Variants in CLIC6 observed in about 807,000 individuals in gnomAD.
CLIC6 encodes CLIC family member 6.
In CLIC6, 39 loss-of-function variants were observed where a neutral mutation model predicts 49.2. The observed-to-expected ratio is 0.79, with a 90% CI of 0.61 to 1.04. CLIC6 has a LOEUF of 1.04. Ranked by LOEUF, CLIC6 falls within the 50% of genes least tolerant of loss-of-function variation. The pLI is 0.00. For missense variants in CLIC6, 988 were observed against 993.1 expected (o/e 0.99, Z 0.07); for synonymous variants, 446 against 433.4 (o/e 1.03, Z -0.36).
intron 1 of CLIC6, among the ~76,000 whole-genome samples, chr21:34,680,412 A>G (rs1164041301): frequency 6.6e-6 from 1 of 152,254 alleles, no homozygotes; most frequent in African/African-American, 2.4e-5. Context: ...AGGGGTTGCC[A>G]CAAAGGTCAC....
intron 1 of CLIC6, among the ~76,000 whole-genome samples, chr21:34,692,059 A>T (rs1384349116): frequency 3.3e-5 from 5 of 152,244 alleles, no homozygotes; most frequent in Non-Finnish European, 7.3e-5. Context: ...ACAGTTTCTC[A>T]AAACTGCCTC....
At chr21:34,706,497 A>G (rs1423515775) in intron 1 of CLIC6, among the ~76,000 whole-genome samples, 1 of 152,176 alleles carries the variant, frequency 6.6e-6, no homozygotes, top group Non-Finnish European at 1.5e-5. Flanking sequence ...AAACCTTAAG[A>G]CTTTTATCAC....
At chr21:34,691,170 T>C (rs1455471348) in intron 1 of CLIC6, among the ~76,000 whole-genome samples, 1 of 152,210 alleles carries the variant, frequency 6.6e-6, no homozygotes, top group African/African-American at 2.4e-5. Context: ...CATAGAACTT[T>C]CAAGGTTAGC....
At chr21:34,696,370 G>A (rs1425248723) in intron 1 of CLIC6, among the ~76,000 whole-genome samples, 2 of 152,164 alleles carry the variant, frequency 1.3e-5, no homozygotes, top group Admixed American at 6.5e-5. Context: ...TATCACCATG[G>A]ATTCCAAACC....
intron 1 of CLIC6, among the ~76,000 whole-genome samples, chr21:34,686,048 G>A (rs1299276671): frequency 6.6e-6 from 1 of 152,190 alleles, no homozygotes; most frequent in Non-Finnish European, 1.5e-5. Context: ...GCATAAATGG[G>A]TTAAGCCAGT....
At position 34,669,372 on chromosome 21, in the gene CLIC6, G is replaced by A. The variant is rs1989476580; in HGVS notation, c.-17G>A. ...CGTCAAGGAAGGAGTCCCGATCAAG[G>A]ACAGGGATCTGCGGCCATGGCCGAG... On this transcript the variant is annotated 5_prime_UTR_variant, in exon 1 of 6. Transcript: ENST00000349499. 13 of 1,237,460 alleles carry A rather than the reference G, an allele frequency of 1.1e-5. No homozygotes were observed. Among genetic ancestry groups the A allele is most frequent in the African/African-American group, 1.5e-5 (1 of 64,660 alleles). 76.7% of individuals were successfully genotyped at this position (1,237,460 alleles called of 1,614,324 possible).
chr21:34,695,046 G>C (rs1353201018), intron 1 of CLIC6, among the ~76,000 whole-genome samples: 1 of 152,180 alleles, frequency 6.6e-6, no homozygotes, highest in Non-Finnish European at 1.5e-5. Context: ...TGGTGGCTTT[G>C]AATAACTCCA....
chr21:34,711,016 G>A (rs1399648555), intron 5 of CLIC6, among the ~76,000 whole-genome samples: 1 of 152,110 alleles, frequency 6.6e-6, no homozygotes, highest in East Asian at 1.9e-4. Flanking sequence ...TATAGAAGTT[G>A]AATGTGATTG....
intron 1 of CLIC6, among the ~76,000 whole-genome samples, chr21:34,686,902 G>T (rs988543204): frequency 6.6e-5 from 10 of 152,220 alleles, no homozygotes; most frequent in African/African-American, 2.4e-4. Flanking sequence ...CCTCAGAGCA[G>T]CCCATCTGCC....
chr21:34,680,887 A>G (rs1989765980), intron 1 of CLIC6, among the ~76,000 whole-genome samples: 1 of 152,112 alleles, frequency 6.6e-6, no homozygotes, highest in Admixed American at 6.5e-5. Context: ...GAACCCTCCA[A>G]ATCTCTAGGA....
chr21:34,695,832 C>T lies in CLIC6; in HGVS notation c.1375-11448C>T, dbSNP rs188750084. 2.6e-4 allele frequency among the ~76,000 whole-genome samples: 39 copies of T among 152,328 alleles called. No individual in the cohort carries two copies. In the East Asian group the frequency reaches 5.6e-3, roughly 22 times the overall value. On this transcript the variant is annotated intron_variant, in intron 1 of 5. Transcript: ENST00000349499. ...CCAGACCCAAATTCTTTTGGCTAAA[C>T]GACATGAAATGTGCTACTTGGGGCC...
At chr21:34,695,475 G>C (rs1325302247) in intron 1 of CLIC6, among the ~76,000 whole-genome samples, 1 of 152,232 alleles carries the variant, frequency 6.6e-6, no homozygotes, top group African/African-American at 2.4e-5. Context: ...TCTTTGAGAG[G>C]TCATTATTCT....
intron 1 of CLIC6, among the ~76,000 whole-genome samples, chr21:34,679,675 C>G (rs1470318621): frequency 6.6e-6 from 1 of 152,206 alleles, no homozygotes; most frequent in Non-Finnish European, 1.5e-5. Flanking sequence ...TAAATACACC[C>G]ACTCCAAGTG....
chr21:34,672,451 T>C (rs1323331485), intron 1 of CLIC6, among the ~76,000 whole-genome samples: 1 of 152,218 alleles, frequency 6.6e-6, no homozygotes, highest in African/African-American at 2.4e-5. Flanking sequence ...GTACCCTCTG[T>C]CTGAATGGAG....
In CLIC6 at chr21:34,717,934, C is replaced by T. The variant is rs1162444934; in HGVS notation, c.*1452C>T. The stretch of plus-strand genomic sequence containing the variant: ...AAGTCTTTAATAGAGTGGCCTCTTT[C>T]GCTCTTCGATTATGACTGCTGCAGT... On this transcript the variant is annotated 3_prime_UTR_variant, in exon 6 of 6. Transcript: ENST00000349499. 1 of 152,334 alleles carries T rather than the reference C, an allele frequency of 6.6e-6. No homozygotes were observed. The highest frequency in any genetic ancestry group is 2.4e-5 in the African/African-American group (1 of 41,460). The allele number at this position is 152,334 out of a possible 1,614,324, so 9.4% of individuals were successfully genotyped here. A position where few individuals can be genotyped will look rare whatever the true frequency, so the allele number is the denominator to read the frequency against.
chr21:34,704,704 A>G (rs1428352517), intron 1 of CLIC6, among the ~76,000 whole-genome samples: 1 of 152,188 alleles, frequency 6.6e-6, no homozygotes, highest in Non-Finnish European at 1.5e-5. Context: ...GAGTTGGCTG[A>G]CTAAGGCAGT....
intron 1 of CLIC6, among the ~76,000 whole-genome samples, chr21:34,684,613 G>C (rs1190875756): frequency 6.6e-6 from 1 of 152,208 alleles, no homozygotes. Flanking sequence ...TCAGCAGCCA[G>C]ATTGTGTTTA....
intron 1 of CLIC6, among the ~76,000 whole-genome samples, chr21:34,687,291 A>T (rs1354289895): frequency 6.6e-6 from 1 of 152,160 alleles, no homozygotes; most frequent in Non-Finnish European, 1.5e-5. Context: ...CTACTCTGTC[A>T]TTCAAGAACC....
intron 5 of CLIC6, among the ~76,000 whole-genome samples, 164 bp from the exon 6 acceptor site, chr21:34,716,157 C>T (rs1302881843): frequency 1.3e-5 from 2 of 152,160 alleles, no homozygotes; most frequent in African/African-American, 4.8e-5. Context: ...CCCAAGATGG[C>T]CCTATGCAAG....
Sources: gnomAD v4.1 joint callset for allele counts (sites outside exome capture counted in the v4.1 genomes callset) on GRCh38, gnomAD v4.1.1 for gene constraint, MANE v1.5 for transcripts, NCBI Gene and HGNC (gene_info 2026-07-23, HGNC 2026-07-21) for gene names.